The following DCDC1 variants were observed in gnomAD, a reference collection of about 807,000 sequenced individuals.
The protein encoded by DCDC1 is doublecortin domain containing 1.
In DCDC1, 200 loss-of-function variants were observed where a neutral mutation model predicts 178.3. That is an observed-to-expected ratio of 1.12 (90% CI 1.00 to 1.26). The LOEUF is 1.26. Among genes scored for constraint, DCDC1 ranks in the 50% most tolerant of loss-of-function variants. The probability of loss-of-function intolerance (pLI) is 0.00; values close to 1 mark genes in which losing one functional copy is unlikely to be tolerated. For missense variants in DCDC1, 1,983 were observed against 1,749.2 expected, an observed-to-expected ratio of 1.13 and a Z score of -2.38; for synonymous variants, 690 against 604.8, an observed-to-expected ratio of 1.14 and a Z score of -2.07.
At chr11:31,092,273 G>T (rs187034670) in intron 16 of DCDC1, among the ~76,000 whole-genome samples, 2 of 152,238 alleles carry the variant, frequency 1.3e-5, no homozygotes, top group East Asian at 3.9e-4. Flanking sequence ...TTGCAGTGTG[G>T]AAAAGAAACA....
rs763961683 is a variant in DCDC1, at chr11:31,103,756, G to T, written c.1765C>A (p.Leu589Ile). ...YGRAYRSPLN[L>I]ALGLTFDRVS... ...CGGTCAAAGGTCAAACCCAAAGCAA[G>T]ATTTAGTGGAGATCTGAAAAACGGA... Residue 589 changes from leucine (L) to isoleucine (I), a missense_variant, in exon 14 of 39, where the codon CTT (leucine) becomes ATT (isoleucine). By Grantham distance (5) the Leu-to-Ile change is conservative. Transcript: ENST00000684477. 3 of 761,688 alleles carry T rather than the reference G, an allele frequency of 3.9e-6. No homozygotes were observed. The highest frequency in any genetic ancestry group is 7.2e-6 in the Non-Finnish European group (3 of 416,768). The allele number at this position is 761,688 out of a possible 1,614,324, so 47.2% of individuals were successfully genotyped here. A position where few individuals can be genotyped will look rare whatever the true frequency, so the allele number is the denominator to read the frequency against.
chr11:31,123,603 T>A (rs1339958729), intron 11 of DCDC1, among the ~76,000 whole-genome samples: 2 of 151,560 alleles, frequency 1.3e-5, no homozygotes, highest in Non-Finnish European at 2.9e-5. Flanking sequence ...TTTCTAAGCC[T>A]GAGAATGGGG....
chr11:31,267,380 C>T (rs941391235), intron 7 of DCDC1, among the ~76,000 whole-genome samples: 47 of 151,902 alleles, frequency 3.1e-4, no homozygotes, highest in Admixed American at 2.7e-3. Flanking sequence ...TTAGTAGAGA[C>T]GGGGTTTCTC....
chr11:31,184,125 T>C (rs1160075509), intron 9 of DCDC1, among the ~76,000 whole-genome samples: 1 of 152,036 alleles, frequency 6.6e-6, no homozygotes, highest in Non-Finnish European at 1.5e-5. Context: ...GCCTCAGAAA[T>C]AACGCCACAC....
At chr11:30,958,348 G>A (rs1396914756) in intron 20 of DCDC1, among the ~76,000 whole-genome samples, 3 of 152,110 alleles carry the variant, frequency 2.0e-5, no homozygotes, top group Non-Finnish European at 4.4e-5. Flanking sequence ...AAGTGGACAG[G>A]ATGCCCAAAG....
chr11:31,106,424 A>T (rs573496248), intron 13 of DCDC1, among the ~76,000 whole-genome samples: 1 of 152,328 alleles, frequency 6.6e-6, no homozygotes, highest in East Asian at 1.9e-4. Flanking sequence ...CAAAAAAAAT[A>T]GAGGAGTGGA....
chr11:31,004,236 T>G (rs762039556), intron 20 of DCDC1, among the ~76,000 whole-genome samples: 10 of 152,214 alleles, frequency 6.6e-5, no homozygotes, highest in African/African-American at 9.6e-5. Flanking sequence ...AAGTATTTTA[T>G]TGTCAAATAG....
chr11:31,253,172 G>A (rs764719031), intron 8 of DCDC1, among the ~76,000 whole-genome samples: 1 of 152,086 alleles, frequency 6.6e-6, no homozygotes, highest in Non-Finnish European at 1.5e-5. Flanking sequence ...CATTGCAAAT[G>A]TAATTCAACA....
chr11:30,944,231 CT>C, intron 21 of DCDC1: 1 of 443,664 alleles, frequency 2.3e-6, no homozygotes. Context: ...ACTCTGTCTC[CT>C]TCCTTTTCTT....
At chr11:31,295,556 C>T (rs1315738934) in intron 6 of DCDC1, among the ~76,000 whole-genome samples, 1 of 152,148 alleles carries the variant, frequency 6.6e-6, no homozygotes, top group African/African-American at 2.4e-5. Flanking sequence ...AGCCGACAGC[C>T]AATGATTGAC....
At chr11:31,280,918 CT>C in intron 7 of DCDC1, 4 of 639,886 alleles carry the variant, frequency 6.3e-6, no homozygotes, top group East Asian at 7.1e-5. Flanking sequence ...GCTTGCCTCC[CT>C]TTTCCACGGT....
chr11:31,095,846 G>C (rs1445141874), intron 15 of DCDC1, among the ~76,000 whole-genome samples: 2 of 152,086 alleles, frequency 1.3e-5, no homozygotes, highest in African/African-American at 4.8e-5. Flanking sequence ...CACTTTCACT[G>C]AGTAATTATT....
At chr11:30,937,905 C>T (rs1275590491) in intron 21 of DCDC1, among the ~76,000 whole-genome samples, 1 of 152,140 alleles carries the variant, frequency 6.6e-6, no homozygotes, top group Non-Finnish European at 1.5e-5. Flanking sequence ...TGCTGACAAA[C>T]AGCTACTTTG....
chr11:31,085,382 C>T (rs1232772547), intron 17 of DCDC1, among the ~76,000 whole-genome samples: 2 of 151,934 alleles, frequency 1.3e-5, no homozygotes, highest in African/African-American at 4.8e-5. Flanking sequence ...TTAATCTCTC[C>T]CTCCTGTCCC....
At chr11:31,295,194 T>C (rs2137460023) in intron 6 of DCDC1, among the ~76,000 whole-genome samples, 1 of 152,380 alleles carries the variant, frequency 6.6e-6, no homozygotes, top group South Asian at 2.1e-4. Context: ...ACAATGTGAA[T>C]GCTAAGTAAA....
At chr11:31,240,553 CCT>C (rs1976993526) in intron 9 of DCDC1, among the ~76,000 whole-genome samples, 1 of 152,010 alleles carries the variant, frequency 6.6e-6, no homozygotes, top group Non-Finnish European at 1.5e-5. Context: ...ACCTCCCCTT[CCT>C]CTCTGCAAGC....
chr11:31,017,390 T>A (rs1218056814), intron 20 of DCDC1, among the ~76,000 whole-genome samples: 2 of 152,188 alleles, frequency 1.3e-5, no homozygotes, highest in Admixed American at 6.5e-5. Context: ...TTGTGATTTT[T>A]AAAATAACAT....
At chr11:30,900,217 C>T in intron 33 of DCDC1, 129 bp downstream of exon 33, 4 of 881,462 alleles carry the variant, frequency 4.5e-6, no homozygotes, top group Non-Finnish European at 6.2e-6. Flanking sequence ...ACCTTCTGTT[C>T]TTTGTATAAA....
rs765876201 is a variant in DCDC1 at position 30,903,504 on chromosome 11, C to T, written c.4488G>A (p.Gln1496=). ...AACCTTCCATACTTTCAACAATTAT[C>T]TGTTCTTTTCCAACAGGAGCTGCAT... ...KQDAAPVGKE[Q]IIVESMEENP... Residue 1496 remains glutamine (Q), a synonymous_variant, in exon 32 of 39, where the codon CAG becomes CAA. Transcript: ENST00000684477. 1.4e-5 allele frequency: 22 copies of T among 1,598,558 alleles called. No individual in the cohort carries two copies. Among genetic ancestry groups the T allele is most frequent in the Non-Finnish European group, 1.9e-5 (22 of 1,171,782 alleles).
Sources: gnomAD v4.1 joint callset for allele counts (sites outside exome capture counted in the v4.1 genomes callset) on GRCh38, gnomAD v4.1.1 for gene constraint, MANE v1.5 for transcripts, NCBI Gene and HGNC (gene_info 2026-07-23, HGNC 2026-07-21) for gene names.